The following EPC2 variants were observed in gnomAD, a reference collection of about 807,000 sequenced individuals.
The protein encoded by EPC2 is enhancer of polycomb 2.
Under a neutral mutation model 92.1 loss-of-function variants are expected in EPC2, and 14 were observed. The observed-to-expected ratio is 0.15, with a 90% CI of 0.10 to 0.24. EPC2 has a LOEUF of 0.24. Among genes scored for constraint, EPC2 ranks in the 10% least tolerant of loss-of-function variants. The pLI, the probability that EPC2 is intolerant of heterozygous loss-of-function variation, is 1.00. For synonymous variants in EPC2, 340 were observed against 334.7 expected (o/e 1.02, Z -0.17); for missense variants, 755 against 971.5 (o/e 0.78, Z 2.96).
intron 2 of EPC2, among the ~76,000 whole-genome samples, chr2:148,740,193 A>G (rs1267908074): frequency 6.6e-6 from 1 of 150,936 alleles, no homozygotes; most frequent in African/African-American, 2.4e-5. Flanking sequence ...TATTTTAGAA[A>G]TGCTATTTTT....
intron 2 of EPC2, among the ~76,000 whole-genome samples, chr2:148,706,036 G>A (rs1681992160): frequency 6.6e-6 from 1 of 152,132 alleles, no homozygotes; most frequent in Non-Finnish European, 1.5e-5. Context: ...CAGAAAGTCG[G>A]TAATAACAAA....
At chr2:148,664,102 A>G (rs756416584) in intron 1 of EPC2, among the ~76,000 whole-genome samples, 1 of 152,156 alleles carries the variant, frequency 6.6e-6, no homozygotes, top group Non-Finnish European at 1.5e-5. Context: ...GTATAGGCAT[A>G]CTGTTGTGTA....
intron 2 of EPC2, among the ~76,000 whole-genome samples, chr2:148,732,189 A>G (rs550487127): frequency 2.6e-4 from 39 of 152,250 alleles, no homozygotes; most frequent in African/African-American, 7.5e-4. Flanking sequence ...TTTCAGTTCT[A>G]TTATTCTAAG....
intron 10 of EPC2, among the ~76,000 whole-genome samples, chr2:148,778,122 A>G (rs1004392918): frequency 2.0e-5 from 3 of 152,200 alleles, no homozygotes; most frequent in Admixed American, 6.5e-5. Context: ...TCACAAAACA[A>G]TCAGATTTAT....
rs555506701 is a variant in EPC2 at position 148,744,997 on chromosome 2, C to G, written c.459+1230C>G. ...ATTTAGCCTATCAGTTTGCCCCCCC[C>G]CCCCGCACCATTTTGATGAAAAATA... On this transcript the variant is annotated intron_variant, in intron 3 of 13. Transcript: ENST00000258484. Among the ~76,000 whole-genome samples, 9 of 124,942 alleles carry G rather than the reference C, an allele frequency of 7.2e-5. 1 individual carries two copies. In the East Asian group the frequency reaches 1.8e-3, roughly 25 times the overall value. 82.0% of individuals were successfully genotyped at this position (124,942 alleles called of 152,430 possible). A position where few individuals can be genotyped will look rare whatever the true frequency, so the allele number is the denominator to read the frequency against.
intron 4 of EPC2, among the ~76,000 whole-genome samples, chr2:148,760,474 A>G (rs1279467434): frequency 6.6e-6 from 1 of 152,150 alleles, no homozygotes; most frequent in Non-Finnish European, 1.5e-5. Flanking sequence ...ACTAGATTCT[A>G]AGCCTTTTGA....
chr2:148,660,866 A>T (rs1387295860), intron 1 of EPC2, among the ~76,000 whole-genome samples: 1 of 151,736 alleles, frequency 6.6e-6, no homozygotes, highest in East Asian at 1.9e-4. Flanking sequence ...TGTTCCCTTT[A>T]AATTTTCCTT....
intron 1 of EPC2, among the ~76,000 whole-genome samples, chr2:148,647,002 C>T (rs188699564): frequency 2.0e-3 from 310 of 151,998 alleles, no homozygotes; most frequent in African/African-American, 7.2e-3. Context: ...ACCAGCTACT[C>T]GGGAGGCTGA....
intron 2 of EPC2, among the ~76,000 whole-genome samples, chr2:148,738,882 A>T (rs1249031238): frequency 6.6e-6 from 1 of 152,208 alleles, no homozygotes; most frequent in African/African-American, 2.4e-5. Flanking sequence ...TCTATTATTT[A>T]ACCCCTGAAT....
intron 2 of EPC2, among the ~76,000 whole-genome samples, chr2:148,741,238 G>GA (rs964057929): frequency 1.3e-5 from 2 of 152,138 alleles, no homozygotes; most frequent in African/African-American, 4.8e-5. Flanking sequence ...ATTGAGAGAT[G>GA]AAATACTGCC....
At chr2:148,725,823 A>G (rs1682483396) in intron 2 of EPC2, among the ~76,000 whole-genome samples, 1 of 152,138 alleles carries the variant, frequency 6.6e-6, no homozygotes, top group African/African-American at 2.4e-5. Flanking sequence ...TAAAATATAC[A>G]TAACATAAAT....
intron 2 of EPC2, among the ~76,000 whole-genome samples, chr2:148,732,231 G>A (rs1266289139): frequency 6.6e-6 from 1 of 152,114 alleles, no homozygotes; most frequent in Non-Finnish European, 1.5e-5. Context: ...TACCTAAGGG[G>A]TTCCTTTCCC....
intron 1 of EPC2, among the ~76,000 whole-genome samples, chr2:148,680,819 A>C (rs1276318198): frequency 6.6e-6 from 1 of 152,228 alleles, no homozygotes; most frequent in Non-Finnish European, 1.5e-5. Context: ...AACTCAGGGA[A>C]TAGGAAGTAG....
chr2:148,663,575 T>C lies in EPC2; in HGVS notation c.153+18405T>C, dbSNP rs186976789. On this transcript the variant is annotated intron_variant, in intron 1 of 13. Transcript: ENST00000258484. ...AGCTGTAGCTAGCAAAATTCCAGTT[T>C]TACTATATAGATTAAGATTTTTTTT... Among the ~76,000 whole-genome samples, 76 of 150,528 alleles carry C rather than the reference T, an allele frequency of 5.0e-4. 1 individual carries two copies. In the East Asian group the frequency reaches 0.013, roughly 27 times the overall value.
intron 2 of EPC2, among the ~76,000 whole-genome samples, chr2:148,715,085 G>A (rs1272517884): frequency 2.4e-5 from 3 of 124,256 alleles, no homozygotes; most frequent in Non-Finnish European, 4.8e-5. Flanking sequence ...CTAGGCTGAA[G>A]TGCAGTGGCA....
chr2:148,783,478 A>G, intron 11 of EPC2, 119 bp from the exon 12 acceptor site: 1 of 926,182 alleles, frequency 1.1e-6, no homozygotes. Context: ...CGCTTAATCT[A>G]AACACTTGTA....
chr2:148,709,817 C>G (rs905893899), intron 2 of EPC2, among the ~76,000 whole-genome samples: 3 of 152,152 alleles, frequency 2.0e-5, no homozygotes, highest in Admixed American at 2.0e-4. Context: ...AACCTGGATC[C>G]CTTCCTTACA....
chr2:148,673,747 C>A (rs562637291), intron 1 of EPC2, among the ~76,000 whole-genome samples: 19 of 152,104 alleles, frequency 1.2e-4, no homozygotes, highest in Non-Finnish European at 2.4e-4. Flanking sequence ...CCATGCCTGG[C>A]TAATATTTTT....
At chr2:148,761,716 A>G in intron 4 of EPC2, 66 bp from the exon 5 acceptor site, 1 of 1,165,508 alleles carries the variant, frequency 8.6e-7, no homozygotes, top group Non-Finnish European at 1.2e-6. Flanking sequence ...ATAAGAGTTT[A>G]TTGAATAAAG....
Sources: gnomAD v4.1 joint callset for allele counts (sites outside exome capture counted in the v4.1 genomes callset) on GRCh38, gnomAD v4.1.1 for gene constraint, MANE v1.5 for transcripts, NCBI Gene and HGNC (gene_info 2026-07-23, HGNC 2026-07-21) for gene names.